The following PRDM2 variants were observed in gnomAD, a reference collection of about 807,000 sequenced individuals.
PRDM2 encodes the protein PR domain zinc finger protein 2.
Under a neutral mutation model 130.0 loss-of-function variants are expected in PRDM2, and 30 were observed. That is an observed-to-expected ratio of 0.23 (90% CI 0.17 to 0.31). The LOEUF (loss-of-function observed/expected upper bound fraction) is 0.31. Among genes scored for constraint, PRDM2 ranks in the 10% least tolerant of loss-of-function variants. The pLI is 1.00. For synonymous variants in PRDM2, 871 were observed against 782.4 expected, an observed-to-expected ratio of 1.11 and a Z score of -1.89; for missense variants, 2,011 against 2,108.4, an observed-to-expected ratio of 0.95 and a Z score of 0.90.
intron 1 of PRDM2, among the ~76,000 whole-genome samples, chr1:13,714,709 A>G (rs1039513668): frequency 1.3e-5 from 2 of 152,214 alleles, no homozygotes; most frequent in African/African-American, 4.8e-5. Context: ...GGAAGGAAAG[A>G]TAAGTTATAA....
rs893196541 is a variant in PRDM2, at chr1:13,771,527, C to T, written c.512-1551C>T. ...CAGGCGGATCATGAGGTCAGGAGAT[C>T]GAGACCATCCTGGCTAAGATGGTGA... On this transcript the variant is annotated intron_variant, in intron 6 of 9. Coordinates refer to ENST00000311066, the MANE Select transcript of PRDM2 (RefSeq NM_001393986.1). The surrounding 1 kb of genome is among the most constrained non-coding windows in gnomAD (Gnocchi z 4.1). Among the ~76,000 whole-genome samples the T allele has an allele frequency of 3.9e-5, 6 of 152,122 alleles. No homozygotes were observed. Among genetic ancestry groups the T allele is most frequent in the African/African-American group, 1.4e-4 (6 of 41,404 alleles).
At chr1:13,801,335 C>A (rs1351308336) in intron 8 of PRDM2, among the ~76,000 whole-genome samples, 12 of 152,234 alleles carry the variant, frequency 7.9e-5, no homozygotes, top group Admixed American at 7.8e-4. Context: ...CCCACAGTAA[C>A]TGGCAGAGTG....
intron 9 of PRDM2, among the ~76,000 whole-genome samples, chr1:13,817,816 A>T (rs1645281019): frequency 1.3e-5 from 2 of 152,022 alleles, no homozygotes; most frequent in African/African-American, 4.8e-5. Flanking sequence ...TGGCTAACAC[A>T]CTGAAGCCCT....
intron 1 of PRDM2, among the ~76,000 whole-genome samples, chr1:13,714,892 T>A (rs578008599): frequency 6.6e-6 from 1 of 152,234 alleles, no homozygotes; most frequent in Admixed American, 6.5e-5. Flanking sequence ...TTTCAGAGAT[T>A]ATTATTTAGA....
At chr1:13,823,088 C>A in intron 9 of PRDM2, 71 bp from the exon 10 acceptor site, 2 of 1,424,794 alleles carry the variant, frequency 1.4e-6, no homozygotes, top group Non-Finnish European at 1.9e-6. Context: ...AGTGCAATAA[C>A]GCATGGACCA....
At chr1:13,796,587 C>G (rs373382668) in intron 8 of PRDM2, among the ~76,000 whole-genome samples, 7 of 152,048 alleles carry the variant, frequency 4.6e-5, no homozygotes, top group Non-Finnish European at 1.0e-4. Context: ...GAGACCCCAT[C>G]TCTACAAGAA....
intron 4 of PRDM2, among the ~76,000 whole-genome samples, chr1:13,738,114 C>A (rs947844009): frequency 6.6e-5 from 10 of 152,044 alleles, no homozygotes; most frequent in African/African-American, 2.4e-4. Context: ...TCAGTGAAAG[C>A]CTTTTTTAAA....
chr1:13,791,384 G>T (rs1272635486), intron 8 of PRDM2, among the ~76,000 whole-genome samples: 1 of 152,130 alleles, frequency 6.6e-6, no homozygotes, highest in East Asian at 1.9e-4. Flanking sequence ...GAGCCATGTG[G>T]TTCATCAACG....
rs74056426 is a variant in PRDM2, at chr1:13,723,404, A to G, written c.10-7596A>G. Among the ~76,000 whole-genome samples the G allele has an allele frequency of 3.3e-3, 497 of 152,300 alleles. 2 individuals are homozygous for G. Among genetic ancestry groups the G allele is most frequent in the African/African-American group, 0.011 (477 of 41,560 alleles). ...GGTAGCGCTGCTCCAGCACATGGAC[A>G]CTTGCTGCTAATATGTGCAGGATGA... On this transcript the variant is annotated intron_variant, in intron 2 of 9. Coordinates refer to ENST00000311066, the MANE Select transcript of PRDM2 (RefSeq NM_001393986.1).
rs761663059 is a variant in PRDM2, at chr1:13,742,137, A to G, written c.364A>G (p.Ile122Val). 6.2e-7 allele frequency: 1 copy of G among 1,613,922 alleles called. No homozygotes were observed. Among genetic ancestry groups the G allele is most frequent in the South Asian group, 1.1e-5 (1 of 91,084 alleles). Residue 122 changes from isoleucine (I) to valine (V), a missense_variant, in exon 5 of 10, where the codon ATT becomes GTT. This residue lies in a region of PRDM2 where 1,288 missense variants were observed against 1,237.7 expected (regional missense o/e 1.04). Transcript: ENST00000311066. ...NLFPLEINRA[I>V]YYKTLKPIAP... ...ATTCCCACTGGAAATCAACAGAGCC[A>G]TTTACTATAAAACTTTAAAGGTAAC...
intron 2 of PRDM2, among the ~76,000 whole-genome samples, chr1:13,721,945 G>C (rs561385945): frequency 1.1e-3 from 170 of 152,306 alleles, no homozygotes; most frequent in Admixed American, 1.4e-3. Flanking sequence ...CCGTGTGGTT[G>C]CAGTCAATAG....
Position 13,778,900 on chromosome 1 carries a change from T to C in PRDM2, c.1105T>C (p.Phe369Leu), listed in dbSNP as rs944153635. 6.2e-7 allele frequency: 1 copy of C among 1,614,144 alleles called. No individual in the cohort carries two copies. Among genetic ancestry groups the C allele is most frequent in the Non-Finnish European group, 8.5e-7 (1 of 1,180,030 alleles). The change falls in exon 8 of 10, where the codon TTT becomes CTT. Residue 369 changes from phenylalanine to leucine, a missense_variant. This residue lies in a region of PRDM2 where 1,288 missense variants were observed against 1,237.7 expected (regional missense o/e 1.04). Transcript: ENST00000311066. ...MFPCQHCERK[F>L]TTKQGLERHM... The stretch of plus-strand genomic sequence containing the variant: ...TCCGTGTCAACATTGTGAAAGGAAG[T>C]TTACAACCAAACAGGGGCTTGAGCG...
intron 8 of PRDM2, among the ~76,000 whole-genome samples, chr1:13,810,564 G>A (rs1264956363): frequency 1.3e-5 from 2 of 151,210 alleles, no homozygotes; most frequent in Non-Finnish European, 2.9e-5. Flanking sequence ...GCACGATCTC[G>A]GCTCACTGAA....
At chr1:13,732,931 T>G in intron 4 of PRDM2, 49 bp downstream of exon 4, 3 of 1,221,122 alleles carry the variant, frequency 2.5e-6, no homozygotes, top group Non-Finnish European at 3.5e-6. Flanking sequence ...ATGAAATAAT[T>G]ATTCTGTTCT....
intron 6 of PRDM2, among the ~76,000 whole-genome samples, chr1:13,749,945 C>G (rs1643765049): frequency 6.6e-6 from 1 of 152,120 alleles, no homozygotes; most frequent in African/African-American, 2.4e-5. Context: ...GGACGCGGGC[C>G]GCGTCGGTCG....
chr1:13,760,619 A>C (rs1203632), intron 6 of PRDM2, among the ~76,000 whole-genome samples: 35,583 of 152,140 alleles, frequency 0.23, 4,284 homozygotes, highest in Admixed American at 0.27. Context: ...CAGCTGCACC[A>C]GTTAATTGCA....
intron 9 of PRDM2, among the ~76,000 whole-genome samples, chr1:13,818,150 C>G (rs969657890): frequency 6.6e-6 from 1 of 152,158 alleles, no homozygotes; most frequent in South Asian, 2.1e-4. Context: ...AGGGAACCTG[C>G]ATTAGCAGAT....
rs201173386 is a variant in PRDM2, at chr1:13,781,789, G to A, written c.3994G>A (p.Ala1332Thr). 11 of 1,614,092 alleles carry A rather than the reference G, an allele frequency of 6.8e-6. No homozygotes were observed. The highest frequency in any genetic ancestry group is 2.2e-5 in the East Asian group (1 of 44,878). Reference protein sequence around the residue: ...THNIPQTFTTAIRCTKCGKGV... With the variant: ...THNIPQTFTTTIRCTKCGKGV... ...CAATATTCCACAGACTTTCACTACC[G>A]CCATTCGCTGCACAAAGTGTGGAAA... The change falls in exon 8 of 10, where the codon GCC becomes ACC. Residue 1332 changes from alanine (A) to threonine (T), a missense_variant. This residue lies in a region of PRDM2 where 229 missense variants were observed against 364.1 expected (regional missense o/e 0.63). Transcript: ENST00000311066. The surrounding 1 kb of genome is among the most constrained non-coding windows in gnomAD (Gnocchi z 6.1).
At chr1:13,787,015 G>A in intron 8 of PRDM2, 1 of 985,796 alleles carries the variant, frequency 1.0e-6, no homozygotes, top group Non-Finnish European at 1.2e-6. Flanking sequence ...TATAGACAGA[G>A]AGAGGCATTT....
Sources: allele counts gnomAD v4.1 joint callset (sites outside exome capture counted in the v4.1 genomes callset), GRCh38; gene constraint gnomAD v4.1.1; regional missense constraint gnomAD v4.1.1; non-coding constraint Gnocchi (gnomAD v3.1); transcripts MANE v1.5; gene names NCBI Gene and HGNC (gene_info 2026-07-23, HGNC 2026-07-21).